The following JAZF1 variants were observed in gnomAD, a reference collection of about 807,000 sequenced individuals.
JAZF1 encodes the protein JAZF zinc finger 1.
In JAZF1, 8 loss-of-function variants were observed where a neutral mutation model predicts 26.4. The observed-to-expected ratio is 0.30, with a 90% CI of 0.18 to 0.55. JAZF1 has a LOEUF of 0.55. Ranked by LOEUF, JAZF1 falls within the 20% of genes least tolerant of loss-of-function variation. The pLI is 0.94. For missense variants in JAZF1, 199 were observed against 322.0 expected (o/e 0.62, Z 2.92); for synonymous variants, 126 against 122.3 (o/e 1.03, Z -0.20).
Position 28,110,526 on chromosome 7 carries a change from GA to G in JAZF1, c.115+69936del, listed in dbSNP as rs1454138109. ...AGGAAAAGGAAAGGAAAAGGAAAAG[GA>G]AAAGGAAAGGAAAAGGAAAAGGAAA... is the stretch of plus-strand genomic sequence containing the variant. On this transcript the variant is annotated intron_variant, in intron 1 of 4. Coordinates refer to ENST00000283928, the MANE Select transcript of JAZF1 (RefSeq NM_175061.4). 2.3e-4 allele frequency among the ~76,000 whole-genome samples: 16 copies of G among 69,928 alleles called. 2 individuals are homozygous for G. The highest frequency in any genetic ancestry group is 5.6e-4 in the African/African-American group (11 of 19,642). The allele number at this position is 69,928 out of a possible 152,430, so 45.9% of individuals were successfully genotyped here.
chr7:27,971,384 C>T (rs998231626), intron 2 of JAZF1, among the ~76,000 whole-genome samples: 7 of 152,080 alleles, frequency 4.6e-5, no homozygotes, highest in East Asian at 1.9e-4. Flanking sequence ...TTTGAGCCAA[C>T]GGGCAAGGTC....
At chr7:27,963,575 T>A (rs1336219009) in intron 2 of JAZF1, among the ~76,000 whole-genome samples, 1 of 140,818 alleles carries the variant, frequency 7.1e-6, no homozygotes, top group Non-Finnish European at 1.5e-5. Flanking sequence ...CCCCCTTTTT[T>A]TTTGGAGACA....
At chr7:27,865,256 G>A (rs567846511) in intron 3 of JAZF1, among the ~76,000 whole-genome samples, 14 of 152,300 alleles carry the variant, frequency 9.2e-5, no homozygotes, top group African/African-American at 2.9e-4. Flanking sequence ...TGTGATGCCA[G>A]CTACTCAGGA....
At chr7:28,120,501 C>CTTTTTTTTTTTTTTTTTTTTTGTT (rs1782583118) in intron 1 of JAZF1, among the ~76,000 whole-genome samples, 1 of 59,004 alleles carries the variant, frequency 1.7e-5, no homozygotes, top group African/African-American at 6.8e-5. Flanking sequence ...ACACACAGTT[C>CTTTTTTTTTTTTTTTTTTTTTGTT]TTTTTTTTTT....
rs55737757 is a variant in JAZF1 at position 27,979,366 on chromosome 7, ATTTTTTTTTTTTTTTTTTTTTTT to A, written c.188+12520_188+12542del. Among the ~76,000 whole-genome samples, 31 of 58,438 alleles carry A rather than the reference ATTTTTTTTTTTTTTTTTTTTTTT, an allele frequency of 5.3e-4. 1 individual carries two copies. Among genetic ancestry groups the A allele is most frequent in the Middle Eastern group, 0.017 (1 of 60 alleles). The allele number at this position is 58,438 out of a possible 152,430, so 38.3% of individuals were successfully genotyped here. On this transcript the variant is annotated intron_variant, in intron 2 of 4. Transcript: ENST00000283928. ...TAACAGGCGTGGCCAGGTACACTACATTTTTTTTTTTTTTTTTTTTTTTTTTTTTTTTTTTTTTTAGAAACAGA... is the reference window on the plus strand; with the variant it reads ...TAACAGGCGTGGCCAGGTACACTACATTTTTTTTTTTTTTTTAGAAACAGA...
chr7:27,974,887 G>GTT (rs11351713), intron 2 of JAZF1, among the ~76,000 whole-genome samples: 1 of 138,494 alleles, frequency 7.2e-6, no homozygotes, highest in Non-Finnish European at 1.6e-5. Flanking sequence ...GCCTTAGGGA[G>GTT]TTTTTTTTTT....
At chr7:27,835,304 AG>A (rs1360501224) in intron 4 of JAZF1, among the ~76,000 whole-genome samples, 1 of 152,254 alleles carries the variant, frequency 6.6e-6, no homozygotes, top group Non-Finnish European at 1.5e-5. Flanking sequence ...GCTAAAAAAA[AG>A]ATTTAAGACC....
At chr7:27,988,194 A>G (rs1230750716) in intron 2 of JAZF1, among the ~76,000 whole-genome samples, 1 of 1,560 alleles carries the variant, frequency 6.4e-4, no homozygotes, top group African/African-American at 1.3e-3. Flanking sequence ...TAAATACTGA[A>G]AAAAAAAAAA....
chr7:28,136,098 A>C (rs868844939), intron 1 of JAZF1, among the ~76,000 whole-genome samples: 63 of 152,332 alleles, frequency 4.1e-4, no homozygotes, highest in African/African-American at 1.5e-3. Flanking sequence ...TGGAAGCCCA[A>C]AATACAACAA....
chr7:27,936,423 T>G (rs1424924621), intron 2 of JAZF1, among the ~76,000 whole-genome samples: 1 of 152,228 alleles, frequency 6.6e-6, no homozygotes, highest in African/African-American at 2.4e-5. Flanking sequence ...TATACCAACA[T>G]GCTTCAACTG....
chr7:28,004,280 G>A (rs550782858), intron 1 of JAZF1, among the ~76,000 whole-genome samples: 25 of 152,170 alleles, frequency 1.6e-4, no homozygotes, highest in South Asian at 2.1e-4. Flanking sequence ...CTTAATACCT[G>A]ACGCCTATGA....
At chr7:27,982,681 C>G (rs1397172317) in intron 2 of JAZF1, among the ~76,000 whole-genome samples, 3 of 152,158 alleles carry the variant, frequency 2.0e-5, no homozygotes, top group African/African-American at 2.4e-5. Flanking sequence ...CCCGAGTATC[C>G]TAACTGGGAG....
intron 2 of JAZF1, among the ~76,000 whole-genome samples, chr7:27,930,341 AAC>A (rs549132660): frequency 2.3e-4 from 35 of 152,200 alleles, no homozygotes; most frequent in Non-Finnish European, 3.8e-4. Flanking sequence ...TTTTGATCAG[AAC>A]ACAGTTATTA....
chr7:28,034,996 G>A (rs1041097937), intron 1 of JAZF1, among the ~76,000 whole-genome samples: 4 of 151,980 alleles, frequency 2.6e-5, no homozygotes, highest in African/African-American at 4.8e-5. Flanking sequence ...AGCCGTTACC[G>A]TCCTCAAATT....
chr7:28,043,321 T>C (rs923207331), intron 1 of JAZF1, among the ~76,000 whole-genome samples: 11 of 152,150 alleles, frequency 7.2e-5, no homozygotes, highest in Non-Finnish European at 1.3e-4. Flanking sequence ...GAGTCTGTTT[T>C]TTTCTGTGAC....
At chr7:27,954,923 A>G (rs567191015) in intron 2 of JAZF1, among the ~76,000 whole-genome samples, 1 of 152,064 alleles carries the variant, frequency 6.6e-6, no homozygotes, top group Non-Finnish European at 1.5e-5. Context: ...ATGCTCAGCT[A>G]ATTTTTGTAT....
chr7:27,925,149 A>T (rs1375771748), intron 2 of JAZF1, among the ~76,000 whole-genome samples: 3 of 152,242 alleles, frequency 2.0e-5, no homozygotes, highest in African/African-American at 7.2e-5. Context: ...GGTAACTATC[A>T]CTGAGGAGCC....
chr7:27,939,103 C>T (rs1235586809), intron 2 of JAZF1, among the ~76,000 whole-genome samples: 1 of 152,166 alleles, frequency 6.6e-6, no homozygotes, highest in Non-Finnish European at 1.5e-5. Context: ...TGTTGCAGAG[C>T]CAAGTAGCAG....
At chr7:27,837,503 C>T (rs565445748) in intron 4 of JAZF1, among the ~76,000 whole-genome samples, 5 of 152,308 alleles carry the variant, frequency 3.3e-5, no homozygotes, top group African/African-American at 1.2e-4. Context: ...GTGCTGGGTG[C>T]TGAGGAGGGA....
Sources: allele counts gnomAD v4.1 joint callset (sites outside exome capture counted in the v4.1 genomes callset), GRCh38; gene constraint gnomAD v4.1.1; transcripts MANE v1.5; gene names NCBI Gene and HGNC (gene_info 2026-07-23, HGNC 2026-07-21).